The following TBC1D5 variants were observed in gnomAD, a reference collection of about 807,000 sequenced individuals.
TBC1D5 encodes TBC1 domain family member 5, also known as TBC1 domain family, member 5.
A neutral mutation model predicts 100.3 loss-of-function variants in TBC1D5; 75 were observed. The observed-to-expected ratio is 0.75, with a 90% confidence interval of 0.62 to 0.91. The LOEUF (loss-of-function observed/expected upper bound fraction) is 0.91. Among genes scored for constraint, TBC1D5 ranks in the 40% least tolerant of loss-of-function variants. The pLI is 0.00. For synonymous variants in TBC1D5, 323 were observed against 325.6 expected (o/e 0.99, Z 0.09); for missense variants, 910 against 942.4 (o/e 0.97, Z 0.45).
intron 4 of TBC1D5, among the ~76,000 whole-genome samples, chr3:17,411,216 T>G (rs903148294): frequency 2.7e-5 from 4 of 149,830 alleles, no homozygotes; most frequent in Non-Finnish European, 4.5e-5. Flanking sequence ...TTTTTTTTTT[T>G]GCAATAAGGT....
intron 2 of TBC1D5, among the ~76,000 whole-genome samples, chr3:17,563,263 C>T (rs183524385): frequency 7.9e-5 from 12 of 152,268 alleles, no homozygotes; most frequent in Admixed American, 2.6e-4. Flanking sequence ...AGAAAAGCGA[C>T]ATCAAATAGT....
At chr3:17,559,638 G>T (rs1246045959) in intron 2 of TBC1D5, among the ~76,000 whole-genome samples, 2 of 150,866 alleles carry the variant, frequency 1.3e-5, no homozygotes, top group East Asian at 3.9e-4. Flanking sequence ...TGCCCTGGCT[G>T]GAGTGCAACG....
At chr3:17,467,542 T>C (rs912333929) in intron 3 of TBC1D5, among the ~76,000 whole-genome samples, 3 of 151,922 alleles carry the variant, frequency 2.0e-5, no homozygotes, top group East Asian at 1.9e-4. Flanking sequence ...AACTACATAA[T>C]ATAGACACAA....
intron 1 of TBC1D5, among the ~76,000 whole-genome samples, chr3:17,730,613 G>A (rs114402588): frequency 0.049 from 7,394 of 152,230 alleles, 264 homozygotes; most frequent in Middle Eastern, 0.13. Context: ...CAGATGAAAC[G>A]AAGATAAACT....
At chr3:17,284,912 G>C (rs1200950761) in intron 15 of TBC1D5, among the ~76,000 whole-genome samples, 1 of 151,964 alleles carries the variant, frequency 6.6e-6, no homozygotes, top group Non-Finnish European at 1.5e-5. Flanking sequence ...AATTGGTTGT[G>C]ATCTAGTGAT....
chr3:17,328,109 A>T (rs1354338529), intron 13 of TBC1D5, among the ~76,000 whole-genome samples: 1 of 151,874 alleles, frequency 6.6e-6, no homozygotes, highest in South Asian at 2.1e-4. Flanking sequence ...GTATCTACAA[A>T]AATTTTAAAA....
intron 9 of TBC1D5, among the ~76,000 whole-genome samples, chr3:17,380,102 G>A (rs1365109310): frequency 2.2e-5 from 3 of 134,416 alleles, no homozygotes; most frequent in African/African-American, 7.8e-5. Context: ...TACACATCCA[G>A]ATCCTACCAC....
At position 17,496,983 on chromosome 3, in the gene TBC1D5, T is replaced by C. The variant is rs550566699; in HGVS notation, c.97+11491A>G. Among the ~76,000 whole-genome samples, 16 of 152,196 alleles carry C rather than the reference T, an allele frequency of 1.1e-4. 1 individual carries two copies. In the South Asian group the frequency reaches 3.1e-3, roughly 30 times the overall value. ...ACCCATGGTAGCCCAGCCACAGTGA[T>C]CTTCTTCAGTTCCCTATGTATGACA... On this transcript the variant is annotated intron_variant, in intron 3 of 21. Coordinates refer to ENST00000253692, the Ensembl canonical transcript of TBC1D5.
At chr3:17,551,633 A>C (rs1212059140) in intron 2 of TBC1D5, among the ~76,000 whole-genome samples, 1 of 152,160 alleles carries the variant, frequency 6.6e-6, no homozygotes, top group Non-Finnish European at 1.5e-5. Flanking sequence ...GCAGCCACAG[A>C]AGTAGTTCTG....
intron 13 of TBC1D5, among the ~76,000 whole-genome samples, chr3:17,321,990 A>G (rs970785784): frequency 1.3e-5 from 2 of 152,224 alleles, no homozygotes; most frequent in Non-Finnish European, 2.9e-5. Context: ...TTTACCATGA[A>G]TTACGAGAGG....
intron 16 of TBC1D5, among the ~76,000 whole-genome samples, chr3:17,245,363 C>G (rs2076651375): frequency 6.6e-6 from 1 of 152,194 alleles, no homozygotes; most frequent in South Asian, 2.1e-4. Context: ...GAAGTGAACT[C>G]ACTGCTCATC....
intron 9 of TBC1D5, among the ~76,000 whole-genome samples, chr3:17,377,468 A>G (rs985435172): frequency 6.6e-6 from 1 of 152,120 alleles, no homozygotes; most frequent in Non-Finnish European, 1.5e-5. Context: ...TCAGCAAGTT[A>G]AAACAGATTA....
intron 1 of TBC1D5, among the ~76,000 whole-genome samples, chr3:17,695,186 A>T (rs2071821671): frequency 6.6e-6 from 1 of 152,338 alleles, no homozygotes; most frequent in South Asian, 2.1e-4. Context: ...AAACTGCATC[A>T]ATTAAAGGGC....
At chr3:17,180,335 C>G (rs2068295958) in intron 19 of TBC1D5, among the ~76,000 whole-genome samples, 1 of 152,064 alleles carries the variant, frequency 6.6e-6, no homozygotes, top group African/African-American at 2.4e-5. Context: ...TTTATTATCT[C>G]TATAATTAAA....
At position 17,292,130 on chromosome 3, in the gene TBC1D5, G is replaced by A. The variant is rs559990665; in HGVS notation, c.1139-129C>T. 4.2e-5 allele frequency: 32 copies of A among 757,152 alleles called. No homozygotes were observed. In the South Asian group the frequency reaches 5.8e-4, roughly 14 times the overall value. The allele number at this position is 757,152 out of a possible 1,614,324, so 46.9% of individuals were successfully genotyped here. A position where few individuals can be genotyped will look rare whatever the true frequency, so the allele number is the denominator to read the frequency against. ...ATAACTCAACTGATTTGATAAAAGG[G>A]AGTAGGAAGAAGGGATCTTTACCAA... On this transcript the variant is annotated intron_variant, in intron 14 of 21. Transcript: ENST00000253692.
intron 1 of TBC1D5, among the ~76,000 whole-genome samples, chr3:17,718,358 G>A (rs920977745): frequency 2.0e-5 from 3 of 152,196 alleles, no homozygotes; most frequent in African/African-American, 7.2e-5. Flanking sequence ...CACTTTGGGA[G>A]TCCAAGGCGG....
At chr3:17,634,148 T>C (rs189189194) in intron 1 of TBC1D5, among the ~76,000 whole-genome samples, 1 of 152,274 alleles carries the variant, frequency 6.6e-6, no homozygotes. Flanking sequence ...ACAACCATTA[T>C]GGAGAACAGT....
chr3:17,447,535 C>G (rs1248945301), intron 3 of TBC1D5, among the ~76,000 whole-genome samples: 1 of 152,182 alleles, frequency 6.6e-6, no homozygotes, highest in Non-Finnish European at 1.5e-5. Flanking sequence ...GCAGGTAACT[C>G]TGTTACAGAA....
At chr3:17,253,365 G>C (rs1263719520) in intron 16 of TBC1D5, among the ~76,000 whole-genome samples, 2 of 152,060 alleles carry the variant, frequency 1.3e-5, no homozygotes, top group East Asian at 1.9e-4. Context: ...AAGCATTTGT[G>C]GTACAACTAA....
Sources: gnomAD v4.1 joint callset for allele counts (sites outside exome capture counted in the v4.1 genomes callset) on GRCh38, gnomAD v4.1.1 for gene constraint, MANE v1.5 for transcripts, NCBI Gene and HGNC (gene_info 2026-07-23, HGNC 2026-07-21) for gene names.